ARHGAP29: variants seen among roughly 807,000 people sequenced by gnomAD.
ARHGAP29 encodes Rho GTPase activating protein 29, also known as rho GTPase-activating protein 29.
Under a neutral mutation model 122.6 loss-of-function variants are expected in ARHGAP29, and 43 were observed. The observed-to-expected ratio is 0.35, with a 90% CI of 0.27 to 0.45. The LOEUF is 0.45. Ranked by LOEUF, ARHGAP29 falls within the 20% of genes least tolerant of loss-of-function variation. The probability of loss-of-function intolerance (pLI) is 1.00; values close to 1 mark genes in which losing one functional copy is unlikely to be tolerated. For missense variants in ARHGAP29, 1,303 were observed against 1,477.2 expected (o/e 0.88, Z 1.93); for synonymous variants, 506 against 497.1 (o/e 1.02, Z -0.24).
the ARHGAP29 span, among the ~76,000 whole-genome samples, chr1:94,307,341 CATCTT>C: frequency 6.6e-6 from 1 of 152,186 alleles, no homozygotes; most frequent in Non-Finnish European, 1.5e-5. Flanking sequence ...TTTCTTCAAA[CATCTT>C]ATCACTTCCT....
rs761200097 is a variant in ARHGAP29 at position 94,174,443 on chromosome 1, C to T, written c.3212G>A (p.Gly1071Asp). ...TTTCTGTAGAGTTTGCTGGTCAAAG[C>T]CATTAAATTTGGAACAAACAGTAGT... The part of the protein sequence containing the change: ...AATTVCSKFN[G>D]FDQQTLQKIQ... The change falls in exon 23 of 23, where the codon GGC becomes GAC. Residue 1071 changes from glycine to aspartate, a missense_variant. Physicochemically the swap from Gly to Asp is moderately conservative, Grantham distance 94. Coordinates refer to ENST00000260526, the MANE Select transcript of ARHGAP29 (RefSeq NM_004815.4). The T allele has an allele frequency of 6.2e-7, 1 of 1,613,980 alleles. No homozygotes were observed. The highest frequency in any genetic ancestry group is 1.3e-5 in the African/African-American group (1 of 74,896).
chr1:94,269,976 A>C (rs566058328), intron 1 of ARHGAP29, among the ~76,000 whole-genome samples: 1 of 152,268 alleles, frequency 6.6e-6, no homozygotes, highest in Non-Finnish European at 1.5e-5. Flanking sequence ...AATTGGAGAA[A>C]ATCAATGGGA....
At chr1:94,250,850 T>G (rs958864963) in intron 1 of ARHGAP29, among the ~76,000 whole-genome samples, 8 of 152,206 alleles carry the variant, frequency 5.3e-5, no homozygotes, top group African/African-American at 1.9e-4. Context: ...CTTATAAGAT[T>G]TTGATGATAT....
chr1:94,268,080 C>G (rs1654843448), intron 1 of ARHGAP29, among the ~76,000 whole-genome samples: 1 of 152,182 alleles, frequency 6.6e-6, no homozygotes, highest in South Asian at 2.1e-4. Context: ...TAGTAAATTT[C>G]ATTATAGTTC....
Position 94,189,313 on chromosome 1 carries a change from T to C in ARHGAP29, c.1479A>G (p.Gly493=). 6.2e-7 allele frequency: 1 copy of C among 1,612,562 alleles called. No homozygotes were observed. ...NKHLNSSQPS[G]FGPANSLEDV... ...CCTCTAAAGAGTTGGCAGGTCCAAA[T>C]CCTGAAGGTTGGGAACTATTTAAAT... The change falls in exon 14 of 23, where the codon GGA becomes GGG. Residue 493 remains glycine (G), a synonymous_variant. Transcript: ENST00000260526.
At chr1:94,220,165 G>A in intron 3 of ARHGAP29, 93 bp downstream of exon 3, 3 of 1,350,538 alleles carry the variant, frequency 2.2e-6, no homozygotes, top group Non-Finnish European at 3.1e-6. Context: ...CAAATGCAAT[G>A]AGAGGAATTG....
At chr1:94,313,725 C>T in the ARHGAP29 span, among the ~76,000 whole-genome samples, 6 of 152,124 alleles carry the variant, frequency 3.9e-5, no homozygotes, top group Non-Finnish European at 8.8e-5. Flanking sequence ...TGGAACCAAC[C>T]CAAATGTCTA....
At chr1:94,302,680 T>A in the ARHGAP29 span, 3 of 447,252 alleles carry the variant, frequency 6.7e-6, no homozygotes, top group Non-Finnish European at 1.3e-5. Flanking sequence ...GGCAAGGTCA[T>A]CCCCAAGCCG....
chr1:94,206,513 GGATAAGAACACT>G (rs1651199989), intron 5 of ARHGAP29, among the ~76,000 whole-genome samples: 1 of 152,082 alleles, frequency 6.6e-6, no homozygotes, highest in Admixed American at 6.5e-5. Flanking sequence ...TGTAAAAGAG[GGATAAGAACACT>G]ACTTTCAAAA....
chr1:94,222,205 CTT>C (rs1428079352), intron 2 of ARHGAP29, among the ~76,000 whole-genome samples: 1 of 152,148 alleles, frequency 6.6e-6, no homozygotes, highest in Middle Eastern at 3.2e-3. Context: ...AAACAAATCT[CTT>C]GTGTAAAAGA....
chr1:94,215,048 C>G (rs529805233), intron 3 of ARHGAP29, among the ~76,000 whole-genome samples: 4 of 149,080 alleles, frequency 2.7e-5, no homozygotes, highest in Non-Finnish European at 5.9e-5. Context: ...TGAGTCAGAG[C>G]CCATAGTTCA....
chr1:94,247,082 G>A (rs925027658), intron 1 of ARHGAP29, among the ~76,000 whole-genome samples: 1 of 152,118 alleles, frequency 6.6e-6, no homozygotes, highest in Non-Finnish European at 1.5e-5. Flanking sequence ...AAGTAAATAT[G>A]GAACATGAGA....
intron 3 of ARHGAP29, among the ~76,000 whole-genome samples, chr1:94,215,747 T>C (rs1651920470): frequency 6.6e-6 from 1 of 151,866 alleles, no homozygotes; most frequent in South Asian, 2.1e-4. Flanking sequence ...CATAAAAGAC[T>C]GAAAAATGTT....
intron 12 of ARHGAP29, among the ~76,000 whole-genome samples, chr1:94,200,463 A>T (rs1650768769): frequency 2.0e-5 from 3 of 152,230 alleles, no homozygotes; most frequent in African/African-American, 7.2e-5. Context: ...AAAATATTAT[A>T]GCCACTCTGG....
chr1:94,188,479 A>G lies in ARHGAP29; in HGVS notation c.1681+358T>C, dbSNP rs200137470. 3.9e-5 allele frequency among the ~76,000 whole-genome samples: 6 copies of G among 152,084 alleles called. No individual in the cohort carries two copies. In the East Asian group the frequency reaches 9.6e-4, roughly 24 times the overall value. On this transcript the variant is annotated intron_variant, in intron 15 of 22. Transcript: ENST00000260526. ...ACATAAATGAAATCACAATAGCGTA[A>G]TTCAATTTGTATAACATTCAGAAGA...
At chr1:94,214,764 A>G (rs1651853684) in intron 3 of ARHGAP29, among the ~76,000 whole-genome samples, 1 of 152,204 alleles carries the variant, frequency 6.6e-6, no homozygotes, top group African/African-American at 2.4e-5. Flanking sequence ...GTCCTAAGAC[A>G]CGTTTAGTAT....
At chr1:94,280,081 A>C in the ARHGAP29 span, among the ~76,000 whole-genome samples, 1 of 106,004 alleles carries the variant, frequency 9.4e-6, no homozygotes, top group South Asian at 2.9e-4. Context: ...ATATAACATA[A>C]TATTTATCAT....
rs1570533575 is a variant in ARHGAP29 at position 94,204,075 on chromosome 1, T to C, written c.698-81A>G. 9 of 1,090,094 alleles carry C rather than the reference T, an allele frequency of 8.3e-6. No individual in the cohort carries two copies. The East Asian group carries it at 1.7e-4, about 21-fold the overall frequency. 67.5% of individuals were successfully genotyped at this position (1,090,094 alleles called of 1,614,324 possible). A position where few individuals can be genotyped will look rare whatever the true frequency, so the allele number is the denominator to read the frequency against. On this transcript the variant is annotated intron_variant, in intron 7 of 22. Coordinates refer to ENST00000260526, the MANE Select transcript of ARHGAP29 (RefSeq NM_004815.4). ...ATACTCTAAAATTACTTGTAGTAATTCCACAATTAAGAAGTGATCACAAAT... is the reference window on the plus strand; with the variant it reads ...ATACTCTAAAATTACTTGTAGTAATCCCACAATTAAGAAGTGATCACAAAT...
chr1:94,280,849 C>T, the ARHGAP29 span, among the ~76,000 whole-genome samples: 1 of 152,106 alleles, frequency 6.6e-6, no homozygotes, highest in East Asian at 1.9e-4. Flanking sequence ...TTACATGGTC[C>T]ACATAACTAA....
Sources: gnomAD v4.1 joint callset for allele counts (sites outside exome capture counted in the v4.1 genomes callset) on GRCh38, gnomAD v4.1.1 for gene constraint, MANE v1.5 for transcripts, NCBI Gene and HGNC (gene_info 2026-07-23, HGNC 2026-07-21) for gene names.